The following HS6ST2 variants were observed in gnomAD, a reference collection of about 807,000 sequenced individuals.
HS6ST2 encodes heparan-sulfate 6-O-sulfotransferase 2.
In HS6ST2, 17 loss-of-function variants were observed where a neutral mutation model predicts 33.0. The observed-to-expected ratio is 0.52, with a 90% CI of 0.35 to 0.77. HS6ST2 has a LOEUF of 0.77. HS6ST2 is among the 30% of genes least tolerant of loss of function. HS6ST2 has a pLI of 0.01. For synonymous variants in HS6ST2, 248 were observed against 237.1 expected, an observed-to-expected ratio of 1.05 and a Z score of -0.42; for missense variants, 519 against 551.7, an observed-to-expected ratio of 0.94 and a Z score of 0.59.
intron 2 of HS6ST2, among the ~76,000 whole-genome samples, chrX:132,933,130 C>T (rs2066792146): frequency 9.2e-6 from 1 of 109,169 alleles, no homozygotes; most frequent in African/African-American, 3.3e-5. Flanking sequence ...AGTATGGAGA[C>T]CAGCCTGGCC....
Position 132,629,108 on chromosome X carries a change from C to T in HS6ST2, c.1068-15G>A. The T allele has an allele frequency of 8.5e-7, 1 of 1,177,807 alleles. No homozygotes were observed. The highest frequency in any genetic ancestry group is 1.8e-5 in the African/African-American group (1 of 57,003). ...AGTGGAAGTTCCTATGGATGAAGCA[C>T]AAAAACCAACAGTCAGAGATATGGG... On this transcript the variant is annotated splice_polypyrimidine_tract_variant and intron_variant, in intron 4 of 4. Coordinates refer to ENST00000370833, the MANE Select transcript of HS6ST2 (RefSeq NM_001394073.1).
chrX:132,830,152 A>G (rs1284329106), intron 2 of HS6ST2, among the ~76,000 whole-genome samples: 5 of 112,193 alleles, frequency 4.5e-5, no homozygotes, highest in Admixed American at 1.9e-4. Flanking sequence ...GGTAATTGGT[A>G]TCAAGCCAGA....
intron 2 of HS6ST2, among the ~76,000 whole-genome samples, chrX:132,921,755 A>T (rs780430930): frequency 8.9e-6 from 1 of 112,004 alleles, no homozygotes; most frequent in South Asian, 3.8e-4. Context: ...ATTTGAGTAA[A>T]TTACCCAAAG....
chrX:132,730,683 C>T (rs2064448872), intron 2 of HS6ST2, among the ~76,000 whole-genome samples: 2 of 112,572 alleles, frequency 1.8e-5, no homozygotes, highest in African/African-American at 6.5e-5. Context: ...GCCCTCTGCA[C>T]AGCTCCCATC....
intron 2 of HS6ST2, among the ~76,000 whole-genome samples, chrX:132,881,274 C>G (rs1422576518): frequency 1.8e-5 from 2 of 110,104 alleles, no homozygotes; most frequent in South Asian, 3.9e-4. Context: ...TTCTCCACAT[C>G]CTCTCCAGCA....
At chrX:132,728,744 A>G (rs779312012) in intron 2 of HS6ST2, among the ~76,000 whole-genome samples, 1 of 112,665 alleles carries the variant, frequency 8.9e-6, no homozygotes, top group Non-Finnish European at 1.9e-5. Flanking sequence ...GGAAGCTTCA[A>G]TGGGTTGTGA....
intron 2 of HS6ST2, among the ~76,000 whole-genome samples, chrX:132,767,816 G>A (rs191593287): frequency 9.0e-6 from 1 of 111,274 alleles, no homozygotes; most frequent in African/African-American, 3.3e-5. Context: ...TATGATGCTT[G>A]TTACTTTTTG....
chrX:132,906,821 C>T (rs1295024076), intron 2 of HS6ST2, among the ~76,000 whole-genome samples: 1 of 111,360 alleles, frequency 9.0e-6, no homozygotes, highest in Non-Finnish European at 1.9e-5. Context: ...GCACCCACCA[C>T]GCCCAGTTAA....
At chrX:132,855,877 G>A (rs1428694333) in intron 2 of HS6ST2, among the ~76,000 whole-genome samples, 2 of 109,451 alleles carry the variant, frequency 1.8e-5, no homozygotes, top group African/African-American at 6.6e-5. Flanking sequence ...GTGGTTCCGG[G>A]AGTTGGTCAG....
chrX:132,637,862 A>G (rs5977726), intron 4 of HS6ST2, among the ~76,000 whole-genome samples: 1 of 34,580 alleles, frequency 2.9e-5, no homozygotes, highest in Admixed American at 4.2e-4. Context: ...TATATATATA[A>G]TATATTATAT....
At chrX:132,893,389 T>C (rs924046540) in intron 2 of HS6ST2, among the ~76,000 whole-genome samples, 1 of 112,110 alleles carries the variant, frequency 8.9e-6, no homozygotes, top group African/African-American at 3.2e-5. Flanking sequence ...CTTAGTAAAC[T>C]AAAAATCTCC....
At chrX:132,867,191 G>C (rs372058509) in intron 2 of HS6ST2, among the ~76,000 whole-genome samples, 11 of 106,210 alleles carry the variant, frequency 1.0e-4, no homozygotes, top group South Asian at 8.5e-4. Context: ...TAGCATGAAG[G>C]GTTGTTGAAT....
chrX:132,899,045 G>T (rs1266877024), intron 2 of HS6ST2, among the ~76,000 whole-genome samples: 9 of 111,741 alleles, frequency 8.1e-5, no homozygotes, highest in Non-Finnish European at 1.1e-4. Flanking sequence ...AAAGTGTATT[G>T]TCTTGGTAGT....
At chrX:132,864,119 G>A (rs2065942750) in intron 2 of HS6ST2, among the ~76,000 whole-genome samples, 1 of 109,892 alleles carries the variant, frequency 9.1e-6, no homozygotes, top group Non-Finnish European at 1.9e-5. Flanking sequence ...AAGACCAAAG[G>A]TAGATAAATT....
Position 132,796,416 on chromosome X carries a change from T to A in HS6ST2, c.948-87922A>T, listed in dbSNP as rs192350864. Among the ~76,000 whole-genome samples, 290 of 112,552 alleles carry A rather than the reference T, an allele frequency of 2.6e-3. 1 individual carries two copies. Among genetic ancestry groups the A allele is most frequent in the African/African-American group, 8.8e-3 (274 of 31,006 alleles). Reference sequence around the variant, plus strand: ...AGTCTGGCCTAGGGTATGCTCTAAGTACCTACCATATGCTTTCAATAAAAA... The same window carrying A: ...AGTCTGGCCTAGGGTATGCTCTAAGAACCTACCATATGCTTTCAATAAAAA... On this transcript the variant is annotated intron_variant, in intron 2 of 4. Coordinates refer to ENST00000370833, the MANE Select transcript of HS6ST2 (RefSeq NM_001394073.1).
chrX:132,669,297 G>T (rs986209173), intron 3 of HS6ST2, 98 bp from the exon 4 acceptor site: 18 of 623,575 alleles, frequency 2.9e-5, no homozygotes, highest in Non-Finnish European at 3.9e-5. Flanking sequence ...AGGCCAGCCT[G>T]CATATCCCCC....
chrX:132,812,316 A>G (rs1304747475), intron 2 of HS6ST2, among the ~76,000 whole-genome samples: 1 of 106,691 alleles, frequency 9.4e-6, no homozygotes, highest in Non-Finnish European at 1.9e-5. Context: ...GAGGCAGGAG[A>G]ATTGCTTGAA....
At chrX:132,815,382 T>C (rs189910086) in intron 2 of HS6ST2, among the ~76,000 whole-genome samples, 17 of 111,827 alleles carry the variant, frequency 1.5e-4, no homozygotes, top group Admixed American at 1.3e-3. Flanking sequence ...ACAATTATTA[T>C]TTCAAGACAA....
At chrX:132,937,854 T>C (rs2066841664) in intron 2 of HS6ST2, among the ~76,000 whole-genome samples, 1 of 111,074 alleles carries the variant, frequency 9.0e-6, no homozygotes, top group African/African-American at 3.3e-5. Context: ...TAAATTAATG[T>C]AAAACACTAT....
Sources: allele counts gnomAD v4.1 joint callset (sites outside exome capture counted in the v4.1 genomes callset), GRCh38; gene constraint gnomAD v4.1.1; transcripts MANE v1.5; gene names NCBI Gene and HGNC (gene_info 2026-07-23, HGNC 2026-07-21).